The following GLIS1 variants were observed in gnomAD, a reference collection of about 807,000 sequenced individuals.
GLIS1 encodes the protein zinc finger protein GLIS1.
GLIS1 carries 24 observed loss-of-function variants against 63.8 expected under a neutral mutation model. The observed-to-expected ratio is 0.38, with a 90% confidence interval of 0.27 to 0.53. The LOEUF (loss-of-function observed/expected upper bound fraction) is 0.53. Ranked by LOEUF, GLIS1 falls within the 20% of genes least tolerant of loss-of-function variation. The pLI is 0.85. For missense variants in GLIS1, 1,036 were observed against 1,074.1 expected (o/e 0.96, Z 0.50); for synonymous variants, 450 against 482.5 (o/e 0.93, Z 0.88).
At chr1:53,637,403 G>A (rs1645737736) in intron 2 of GLIS1, among the ~76,000 whole-genome samples, 1 of 152,208 alleles carries the variant, frequency 6.6e-6, no homozygotes, top group South Asian at 2.1e-4. Context: ...CACGATGTGA[G>A]TGCAGCAATG....
At chr1:53,579,069 A>T (rs563193369) in intron 4 of GLIS1, among the ~76,000 whole-genome samples, 1 of 152,288 alleles carries the variant, frequency 6.6e-6, no homozygotes, top group East Asian at 1.9e-4. Flanking sequence ...TCCAAAAAAA[A>T]AAAAAACAGT....
intron 2 of GLIS1, among the ~76,000 whole-genome samples, chr1:53,656,886 C>T (rs1171178676): frequency 1.3e-5 from 2 of 152,232 alleles, no homozygotes; most frequent in African/African-American, 4.8e-5. Flanking sequence ...CAGGCTACCG[C>T]AGACAGGTAC....
At chr1:53,516,202 G>T in intron 7 of GLIS1, among the ~76,000 whole-genome samples, 1 of 152,126 alleles carries the variant, frequency 6.6e-6, no homozygotes, top group East Asian at 1.9e-4. Flanking sequence ...GGTTACCATG[G>T]ATCCAGACCA....
At chr1:53,513,303 A>C (rs1569720073) in intron 8 of GLIS1, among the ~76,000 whole-genome samples, 1 of 149,922 alleles carries the variant, frequency 6.7e-6, no homozygotes, top group Non-Finnish European at 1.5e-5. Context: ...AGTCCACCCC[A>C]CCCCTGCAAT....
chr1:53,509,976 CCCCAGCCCCTTCAGGGGGCTGACTAT>C lies in GLIS1; in HGVS notation c.1909_1934del (p.Ile637AlafsTer65). On this transcript the variant is annotated frameshift_variant, in exon 9 of 11. Coordinates refer to ENST00000628545, the MANE Select transcript of GLIS1 (RefSeq NM_001367484.1). LOFTEE classifies it high-confidence loss of function. ...GAGAGGATGGGGGCAGCGGCGGTGGCCCCAGCCCCTTCAGGGGGCTGACTATTGGTGAGAGGAGGCCGGGCCCCAAC... is the reference window on the plus strand; with the variant it reads ...GAGAGGATGGGGGCAGCGGCGGTGGCTGGTGAGAGGAGGCCGGGCCCCAAC... The C allele has an allele frequency of 7.7e-7, 1 of 1,291,892 alleles. No individual in the cohort carries two copies. The highest frequency in any genetic ancestry group is 1.5e-5 in the African/African-American group (1 of 66,238). 80.0% of individuals were successfully genotyped at this position (1,291,892 alleles called of 1,614,324 possible).
intron 4 of GLIS1, among the ~76,000 whole-genome samples, chr1:53,580,537 C>T (rs1394438603): frequency 1.3e-5 from 2 of 152,152 alleles, no homozygotes; most frequent in Non-Finnish European, 2.9e-5. Context: ...GTCAGGGGTC[C>T]TCCAAGGTGA....
intron 2 of GLIS1, among the ~76,000 whole-genome samples, chr1:53,664,907 C>T (rs559399537): frequency 3.3e-5 from 5 of 151,968 alleles, no homozygotes; most frequent in African/African-American, 4.8e-5. Context: ...GGCAAGAGCA[C>T]AGATGGTGTG....
At chr1:53,652,264 T>C (rs1052087029) in intron 2 of GLIS1, among the ~76,000 whole-genome samples, 8 of 152,292 alleles carry the variant, frequency 5.3e-5, no homozygotes, top group Admixed American at 5.2e-4. Context: ...GCCAGCTCTG[T>C]GCTGAGGATG....
chr1:53,590,664 G>A (rs914359160), intron 4 of GLIS1, among the ~76,000 whole-genome samples: 4 of 152,170 alleles, frequency 2.6e-5, no homozygotes, highest in East Asian at 3.8e-4. Context: ...CCTTGTTATC[G>A]TAACACAGAT....
At chr1:53,518,143 C>T (rs1014277275) in intron 7 of GLIS1, among the ~76,000 whole-genome samples, 2 of 152,212 alleles carry the variant, frequency 1.3e-5, no homozygotes, top group African/African-American at 2.4e-5. Context: ...TCCAGGACCC[C>T]GGGCTTCACC....
intron 3 of GLIS1, among the ~76,000 whole-genome samples, chr1:53,596,326 G>A (rs1645254757): frequency 6.6e-6 from 1 of 152,198 alleles, no homozygotes; most frequent in Non-Finnish European, 1.5e-5. Context: ...TGTCACCAGA[G>A]CACTCTGAAA....
At chr1:53,521,674 T>C (rs1052823488) in intron 6 of GLIS1, among the ~76,000 whole-genome samples, 2 of 152,192 alleles carry the variant, frequency 1.3e-5, no homozygotes, top group African/African-American at 4.8e-5. Flanking sequence ...TGGATCAGTA[T>C]ATAGACTTGA....
chr1:53,622,001 G>C (rs776238077), intron 2 of GLIS1, among the ~76,000 whole-genome samples: 1 of 152,044 alleles, frequency 6.6e-6, no homozygotes, highest in Non-Finnish European at 1.5e-5. Flanking sequence ...TCACCAGGTT[G>C]GCCAGGATGG....
At chr1:53,620,377 C>CG (rs1371062513) in intron 2 of GLIS1, among the ~76,000 whole-genome samples, 16 of 152,080 alleles carry the variant, frequency 1.1e-4, no homozygotes, top group East Asian at 3.9e-4. Context: ...AGAAAATGGG[C>CG]GGGGGGGCCA....
At chr1:53,680,167 T>C (rs982704486) in intron 2 of GLIS1, among the ~76,000 whole-genome samples, 1 of 151,972 alleles carries the variant, frequency 6.6e-6, no homozygotes, top group Non-Finnish European at 1.5e-5. Context: ...GGACCTAGAT[T>C]GTCTCAGCCA....
intron 2 of GLIS1, among the ~76,000 whole-genome samples, chr1:53,730,919 G>A (rs1350867146): frequency 5.9e-5 from 9 of 152,136 alleles, no homozygotes; most frequent in Non-Finnish European, 1.0e-4. Flanking sequence ...TCCCTCCCAA[G>A]CCCTACTTCA....
At chr1:53,701,775 T>C (rs1011678959) in intron 2 of GLIS1, among the ~76,000 whole-genome samples, 8 of 152,058 alleles carry the variant, frequency 5.3e-5, no homozygotes, top group African/African-American at 9.7e-5. Context: ...AGTGGATCAC[T>C]TTAGGTCCGG....
chr1:53,676,150 T>C (rs1374389214), intron 2 of GLIS1, among the ~76,000 whole-genome samples: 1 of 151,990 alleles, frequency 6.6e-6, no homozygotes, highest in African/African-American at 2.4e-5. Flanking sequence ...TGGTTTGGGG[T>C]TTGAGGTTTT....
chr1:53,546,604 C>T (rs531590169), intron 4 of GLIS1, among the ~76,000 whole-genome samples: 2 of 152,148 alleles, frequency 1.3e-5, no homozygotes, highest in African/African-American at 4.8e-5. Flanking sequence ...TGGCAGGGCT[C>T]GTCAATCTGG....
Sources: allele counts gnomAD v4.1 joint callset (sites outside exome capture counted in the v4.1 genomes callset), GRCh38; gene constraint gnomAD v4.1.1; transcripts MANE v1.5; gene names NCBI Gene and HGNC (gene_info 2026-07-23, HGNC 2026-07-21).